Variants in TXLNB observed in about 807,000 individuals in gnomAD.
TXLNB encodes the protein beta-taxilin.
TXLNB carries 37 observed loss-of-function variants against 57.4 expected under a neutral mutation model. That is an observed-to-expected ratio of 0.64 (90% CI 0.50 to 0.85). The LOEUF is 0.85. Ranked by LOEUF, TXLNB falls within the 40% of genes least tolerant of loss-of-function variation. The pLI, the probability that TXLNB is intolerant of heterozygous loss-of-function variation, is 0.00. For missense variants in TXLNB, 848 were observed against 825.6 expected (o/e 1.03, Z -0.33); for synonymous variants, 302 against 309.6 (o/e 0.98, Z 0.26).
At chr6:139,209,587 G>A in the TXLNB span, among the ~76,000 whole-genome samples, 2 of 152,036 alleles carry the variant, frequency 1.3e-5, no homozygotes, top group African/African-American at 4.8e-5. Flanking sequence ...ACTGATCTTT[G>A]ACAAAGCTTA....
chr6:139,285,304 A>C lies in TXLNB; in HGVS notation c.424+3172T>G, dbSNP rs182043817. ...CACACACACACACACACACACACAC[A>C]CCCCAATTCTTATGTAAAAGTTTTA... On this transcript the variant is annotated intron_variant, in intron 2 of 9. Transcript: ENST00000358430. Among the ~76,000 whole-genome samples, 34 of 128,228 alleles carry C rather than the reference A, an allele frequency of 2.7e-4. 3 individuals are homozygous for C. Among genetic ancestry groups the C allele is most frequent in the African/African-American group, 1.0e-3 (34 of 33,992 alleles). The allele number at this position is 128,228 out of a possible 152,430, so 84.1% of individuals were successfully genotyped here.
chr6:139,232,785 A>C, the TXLNB span, among the ~76,000 whole-genome samples: 1 of 152,192 alleles, frequency 6.6e-6, no homozygotes, highest in Non-Finnish European at 1.5e-5. Flanking sequence ...CTTTCCTGTC[A>C]CTTCATAAAC....
the TXLNB span, among the ~76,000 whole-genome samples, chr6:139,212,842 A>G: frequency 1.3e-5 from 2 of 152,364 alleles, no homozygotes; most frequent in East Asian, 3.9e-4. Context: ...GTCTCTGATA[A>G]AACAGACTCT....
the TXLNB span, among the ~76,000 whole-genome samples, chr6:139,321,322 C>T: frequency 1.2e-4 from 18 of 152,178 alleles, no homozygotes; most frequent in South Asian, 4.2e-4. Flanking sequence ...AAAAGAGGCT[C>T]CAGAGAGTTG....
chr6:139,318,093 C>T, the TXLNB span, among the ~76,000 whole-genome samples: 5 of 151,498 alleles, frequency 3.3e-5, no homozygotes, highest in Admixed American at 6.6e-5. Context: ...CACAGTGAAA[C>T]CCCGTCCCTA....
chr6:139,306,805 C>G, the TXLNB span, among the ~76,000 whole-genome samples: 1 of 152,188 alleles, frequency 6.6e-6, no homozygotes, highest in African/African-American at 2.4e-5. Flanking sequence ...CACTGCATTT[C>G]TACAGCAGCC....
the TXLNB span, among the ~76,000 whole-genome samples, chr6:139,189,167 T>C: frequency 5.3e-5 from 8 of 152,258 alleles, no homozygotes; most frequent in Admixed American, 2.0e-4. Context: ...GAAGCACTAA[T>C]GTTTTATTAC....
At chr6:139,243,349 G>A (rs1399036873) in intron 9 of TXLNB, 35 bp from the exon 10 acceptor site, 1 of 1,558,856 alleles carries the variant, frequency 6.4e-7, no homozygotes, top group African/African-American at 1.4e-5. Flanking sequence ...TACACACACA[G>A]ATGAAATGAC....
chr6:139,276,979 G>T (rs1015800397), intron 2 of TXLNB, 58 bp from the exon 3 acceptor site: 3 of 1,322,908 alleles, frequency 2.3e-6, no homozygotes, highest in Admixed American at 2.2e-5. Context: ...GGTGATAAGG[G>T]CTGGAGTCTC....
At chr6:139,312,263 T>C in the TXLNB span, among the ~76,000 whole-genome samples, 3,231 of 152,264 alleles carry the variant, frequency 0.021, 135 homozygotes, top group East Asian at 0.16. Flanking sequence ...AGAGCCAATC[T>C]TAGGACATTA....
the TXLNB span, among the ~76,000 whole-genome samples, chr6:139,210,040 T>C: frequency 7.2e-5 from 11 of 151,876 alleles, no homozygotes; most frequent in East Asian, 2.1e-3. Flanking sequence ...CATCAAAAAG[T>C]GGGCAAAGAA....
At chr6:139,264,707 G>A (rs561949015) in intron 4 of TXLNB, among the ~76,000 whole-genome samples, 116 of 152,072 alleles carry the variant, frequency 7.6e-4, no homozygotes, top group African/African-American at 2.6e-3. Flanking sequence ...TTACAGGCAC[G>A]CATCACCAAG....
chr6:139,301,152 C>T, the TXLNB span, among the ~76,000 whole-genome samples: 1 of 152,060 alleles, frequency 6.6e-6, no homozygotes, highest in Non-Finnish European at 1.5e-5. Flanking sequence ...AGTTCCTAGA[C>T]TCAACTTGGG....
At chr6:139,249,018 A>G (rs896689913) in intron 7 of TXLNB, among the ~76,000 whole-genome samples, 3 of 152,242 alleles carry the variant, frequency 2.0e-5, no homozygotes, top group African/African-American at 7.2e-5. Flanking sequence ...TCAGTTTTCC[A>G]CAGATGGAAG....
intron 4 of TXLNB, among the ~76,000 whole-genome samples, chr6:139,263,663 G>A (rs1017499621): frequency 2.1e-5 from 3 of 140,412 alleles, no homozygotes; most frequent in Non-Finnish European, 4.5e-5. Context: ...TATCTATATT[G>A]AGAATTGCTT....
chr6:139,234,436 C>A, the TXLNB span: 1 of 152,372 alleles, frequency 6.6e-6, no homozygotes, highest in Admixed American at 6.5e-5. Context: ...CTGCTCTGTG[C>A]AGCCTTGGGA....
chr6:139,297,609 G>T, the TXLNB span, among the ~76,000 whole-genome samples: 1 of 152,034 alleles, frequency 6.6e-6, no homozygotes, highest in Non-Finnish European at 1.5e-5. Context: ...TTTTACTTGG[G>T]CTATATTTTA....
At position 139,260,315 on chromosome 6, in the gene TXLNB, T is replaced by C. The variant is rs1381240256; in HGVS notation, c.1002+3A>G. 1.2e-6 allele frequency: 2 copies of C among 1,614,084 alleles called. No individual in the cohort carries two copies. Among genetic ancestry groups the C allele is most frequent in the Non-Finnish European group, 1.7e-6 (2 of 1,179,994 alleles). On this transcript the variant is annotated splice_donor_region_variant and intron_variant, in intron 6 of 9. Transcript: ENST00000358430. ...TATGCACAACGACTAAAATGATAAA[T>C]ACATATTCCTTTTCTCGTTTGTGTC...
In TXLNB at chr6:139,288,867, C is replaced by T. The variant is rs767630067; in HGVS notation, c.33G>A (p.Ala11=). The change falls in exon 2 of 10, where the codon GCG becomes GCA. Residue 11 remains alanine (A), a synonymous_variant. Coordinates refer to ENST00000358430, the MANE Select transcript of TXLNB (RefSeq NM_153235.4). MEANHSEQLS[A]ERQSTPPGDS... ...CACCTGGAGGTGTTGACTGTCGTTC[C>T]GCTGAGAGCTGTTCAGAGTGATTAG... is the stretch of plus-strand genomic sequence containing the variant. The T allele has an allele frequency of 5.3e-5, 86 of 1,613,858 alleles. No homozygotes were observed. Among genetic ancestry groups the T allele is most frequent in the East Asian group, 3.1e-4 (14 of 44,892 alleles).
Sources: gnomAD v4.1 joint callset for allele counts (sites outside exome capture counted in the v4.1 genomes callset) on GRCh38, gnomAD v4.1.1 for gene constraint, MANE v1.5 for transcripts, NCBI Gene and HGNC (gene_info 2026-07-23, HGNC 2026-07-21) for gene names.